CSMD1: variants seen among roughly 807,000 people sequenced by gnomAD.
The protein encoded by CSMD1 is CUB and Sushi multiple domains 1.
In CSMD1, 213 loss-of-function variants were observed where a neutral mutation model predicts 417.5. The ratio of observed to expected loss-of-function variants is 0.51; its 90% CI spans 0.46 to 0.57. The LOEUF is 0.57. Ranked by LOEUF, CSMD1 falls within the 20% of genes least tolerant of loss-of-function variation. The pLI, the probability that CSMD1 is intolerant of heterozygous loss-of-function variation, is 0.00. For synonymous variants in CSMD1, 2,862 were observed against 1,736.8 expected (o/e 1.65, Z -16.11); for missense variants, 6,923 against 4,529.7 (o/e 1.53, Z -15.17).
At chr8:3,040,727 C>G (rs1312447721) in intron 50 of CSMD1, among the ~76,000 whole-genome samples, 1 of 151,950 alleles carries the variant, frequency 6.6e-6, no homozygotes, top group Non-Finnish European at 1.5e-5. Flanking sequence ...CGCTTGAACC[C>G]GAGAGACAGA....
intron 10 of CSMD1, among the ~76,000 whole-genome samples, chr8:3,564,368 A>T (rs904649044): frequency 6.6e-6 from 1 of 152,190 alleles, no homozygotes; most frequent in African/African-American, 2.4e-5. Context: ...TAACTCCTAC[A>T]CAAACCTAGA....
intron 3 of CSMD1, among the ~76,000 whole-genome samples, chr8:4,236,056 T>G (rs1016493193): frequency 6.4e-4 from 60 of 94,060 alleles, no homozygotes; most frequent in Middle Eastern, 9.3e-3. Context: ...TTTTTTTTTT[T>G]TTTTTTTTTT....
intron 5 of CSMD1, among the ~76,000 whole-genome samples, chr8:3,959,235 C>A (rs772721122): frequency 7.3e-4 from 111 of 152,196 alleles, no homozygotes; most frequent in Non-Finnish European, 9.1e-4. Context: ...CAGGGTGGGA[C>A]ACGTGTGTAA....
chr8:3,838,391 AT>A (rs910683217), intron 5 of CSMD1, among the ~76,000 whole-genome samples: 1 of 128,802 alleles, frequency 7.8e-6, no homozygotes, highest in African/African-American at 3.3e-5. Flanking sequence ...CGCACTATAT[AT>A]ATAGCCTATA....
chr8:3,642,420 G>A (rs1199175845), intron 7 of CSMD1, among the ~76,000 whole-genome samples: 1 of 152,082 alleles, frequency 6.6e-6, no homozygotes, highest in Non-Finnish European at 1.5e-5. Context: ...CTAAATTTAT[G>A]ATACCTATAT....
At chr8:3,514,303 G>C (rs1797198447) in intron 10 of CSMD1, among the ~76,000 whole-genome samples, 1 of 152,144 alleles carries the variant, frequency 6.6e-6, no homozygotes, top group African/African-American at 2.4e-5. Flanking sequence ...TCAGTGCATT[G>C]CAGCTAGTAG....
At chr8:3,394,011 AT>A (rs60493722) in intron 17 of CSMD1, among the ~76,000 whole-genome samples, 5,551 of 76,692 alleles carry the variant, frequency 0.072, 719 homozygotes, top group East Asian at 0.24. Flanking sequence ...AAAAAAATAA[AT>A]TATATATATA....
intron 30 of CSMD1, among the ~76,000 whole-genome samples, chr8:3,209,871 A>G (rs1402262053): frequency 6.6e-6 from 1 of 152,222 alleles, no homozygotes; most frequent in Non-Finnish European, 1.5e-5. Flanking sequence ...TACATCTCGT[A>G]CATAAAAGCA....
chr8:4,437,258 G>C (rs1218735004), intron 2 of CSMD1, among the ~76,000 whole-genome samples: 1 of 152,172 alleles, frequency 6.6e-6, no homozygotes, highest in Admixed American at 6.5e-5. Context: ...TTAGGCAGTA[G>C]AGAAAAGTAA....
chr8:4,562,701 A>C (rs1314893535), intron 2 of CSMD1, among the ~76,000 whole-genome samples: 2 of 152,262 alleles, frequency 1.3e-5, no homozygotes, highest in East Asian at 3.9e-4. Context: ...GGCCCAGAAC[A>C]CCATCAGCCA....
intron 5 of CSMD1, among the ~76,000 whole-genome samples, chr8:3,823,029 G>A (rs938525187): frequency 3.9e-5 from 6 of 151,980 alleles, no homozygotes; most frequent in East Asian, 1.9e-4. Context: ...AACATAATTC[G>A]GCATCAGTAG....
intron 4 of CSMD1, among the ~76,000 whole-genome samples, chr8:4,026,217 G>A (rs1274992998): frequency 1.3e-5 from 2 of 152,128 alleles, no homozygotes; most frequent in Admixed American, 6.5e-5. Flanking sequence ...CCAAATCCAT[G>A]AGAAACTGTG....
intron 1 of CSMD1, among the ~76,000 whole-genome samples, chr8:4,769,499 A>G (rs1796498181): frequency 6.6e-6 from 1 of 152,212 alleles, no homozygotes; most frequent in Non-Finnish European, 1.5e-5. Context: ...ACATTTGAAA[A>G]AAATTATGAA....
At chr8:4,178,383 C>A (rs556349553) in intron 3 of CSMD1, among the ~76,000 whole-genome samples, 1 of 150,414 alleles carries the variant, frequency 6.6e-6, no homozygotes, top group Non-Finnish European at 1.5e-5. Context: ...TTCAACAACC[C>A]TTCATGCTAA....
intron 2 of CSMD1, among the ~76,000 whole-genome samples, chr8:4,585,171 A>G (rs1799637037): frequency 6.6e-6 from 1 of 152,148 alleles, no homozygotes; most frequent in Non-Finnish European, 1.5e-5. Flanking sequence ...AGTTGCCTTT[A>G]AAATAACTGT....
intron 49 of CSMD1, among the ~76,000 whole-genome samples, chr8:3,075,336 C>T (rs958061911): frequency 1.4e-5 from 2 of 147,944 alleles, no homozygotes; most frequent in Non-Finnish European, 3.0e-5. Flanking sequence ...CAGTGGAGTG[C>T]AACGGTGTGA....
intron 3 of CSMD1, among the ~76,000 whole-genome samples, chr8:4,279,042 C>A (rs754768301): frequency 2.0e-5 from 3 of 152,130 alleles, no homozygotes; most frequent in Non-Finnish European, 2.9e-5. Flanking sequence ...ACATTACTTT[C>A]CATAAACATC....
intron 5 of CSMD1, among the ~76,000 whole-genome samples, chr8:3,840,131 C>G (rs1217689797): frequency 2.6e-5 from 4 of 152,084 alleles, no homozygotes; most frequent in African/African-American, 9.7e-5. Context: ...TTATGAACAG[C>G]TTGCTTCCTT....
intron 23 of CSMD1, among the ~76,000 whole-genome samples, chr8:3,330,147 A>G (rs1276507335): frequency 6.6e-6 from 1 of 152,164 alleles, no homozygotes; most frequent in Non-Finnish European, 1.5e-5. Context: ...GTCATTCAAG[A>G]GATTTCTCCT....
Sources: gnomAD v4.1 joint callset for allele counts (sites outside exome capture counted in the v4.1 genomes callset) on GRCh38, gnomAD v4.1.1 for gene constraint, MANE v1.5 for transcripts, NCBI Gene and HGNC (gene_info 2026-07-23, HGNC 2026-07-21) for gene names.